PCDHA7: variants seen among roughly 807,000 people sequenced by gnomAD.
The protein encoded by PCDHA7 is protocadherin alpha 7, also known as protocadherin alpha-7.
Under a neutral mutation model 57.2 loss-of-function variants are expected in PCDHA7, and 37 were observed. That is an observed-to-expected ratio of 0.65 (90% CI 0.50 to 0.85). The LOEUF (loss-of-function observed/expected upper bound fraction) is 0.85, where lower values mean the gene tolerates loss of function less well. Among genes scored for constraint, PCDHA7 ranks in the 40% least tolerant of loss-of-function variants. The pLI, the probability that PCDHA7 is intolerant of heterozygous loss-of-function variation, is 0.00. For synonymous variants in PCDHA7, 553 were observed against 558.8 expected, an observed-to-expected ratio of 0.99 and a Z score of 0.15; for missense variants, 1,188 against 1,241.8, an observed-to-expected ratio of 0.96 and a Z score of 0.65.
At chr5:140,970,331 T>C (rs1442466340) in intron 1 of PCDHA7, among the ~76,000 whole-genome samples, 1 of 152,210 alleles carries the variant, frequency 6.6e-6, no homozygotes, top group African/African-American at 2.4e-5. Context: ...TTCCAAAGCA[T>C]GCATTCATTT....
chr5:140,839,670 T>C (rs1776356207), intron 1 of PCDHA7, among the ~76,000 whole-genome samples: 1 of 152,026 alleles, frequency 6.6e-6, no homozygotes, highest in Non-Finnish European at 1.5e-5. Flanking sequence ...CTATTTAGAG[T>C]CAACTACAGA....
chr5:141,004,101 T>C (rs2098153096), intron 3 of PCDHA7, among the ~76,000 whole-genome samples: 1 of 152,220 alleles, frequency 6.6e-6, no homozygotes, highest in Admixed American at 6.5e-5. Flanking sequence ...TCCGTTTTCA[T>C]CTTCTTCAAA....
At chr5:140,997,918 A>G (rs2097790482) in intron 3 of PCDHA7, among the ~76,000 whole-genome samples, 1 of 152,220 alleles carries the variant, frequency 6.6e-6, no homozygotes, top group South Asian at 2.1e-4. Context: ...TTACAGAATC[A>G]TAGGATATAA....
chr5:140,877,835 G>A, intron 1 of PCDHA7: 11 of 1,586,326 alleles, frequency 6.9e-6, no homozygotes, highest in Non-Finnish European at 9.4e-6. Context: ...AATCCTCCCA[G>A]TGAAGTAAGT....
At chr5:140,883,018 G>A (rs1400637236) in intron 1 of PCDHA7, 4 of 1,614,086 alleles carry the variant, frequency 2.5e-6, no homozygotes, top group Admixed American at 1.7e-5. Flanking sequence ...ATAAAGTGAC[G>A]GTGTTAGAGA....
rs1427134752 is a variant in PCDHA7 at position 140,834,645 on chromosome 5, T to C, written c.262T>C (p.Ser88Pro). The part of the protein sequence containing the change: ...NLQNGILFVN[S>P]RIDREELCGR... Reference sequence around the variant, plus strand: ...GCAGAATGGCATTTTGTTTGTGAATTCTCGGATCGACCGCGAGGAGCTGTG... The same window carrying C: ...GCAGAATGGCATTTTGTTTGTGAATCCTCGGATCGACCGCGAGGAGCTGTG... The change falls in exon 1 of 4, where the codon TCT becomes CCT. Residue 88 changes from serine (S) to proline (P), a missense_variant. Physicochemically the swap from Ser to Pro is moderately conservative, Grantham distance 74. This residue lies in a region of PCDHA7 where 194 missense variants were observed against 185.8 expected (regional missense o/e 1.04). Transcript: ENST00000525929. The C allele has an allele frequency of 2.5e-6, 4 of 1,614,086 alleles. No individual in the cohort carries two copies. The East Asian group carries it at 8.9e-5, about 36-fold the overall frequency.
rs1554164208 is a variant in PCDHA7 at position 140,870,406 on chromosome 5, T to G, written c.2355+33668T>G. ...GCGGGATGGGGGTTCGCCTTCTCTG[T>G]GGGCCACGGCCAGGGTATCCGTGGA... On this transcript the variant is annotated intron_variant, in intron 1 of 3. Transcript: ENST00000525929. 1.2e-5 allele frequency: 20 copies of G among 1,614,192 alleles called. No individual in the cohort carries two copies. The highest frequency in any genetic ancestry group is 1.5e-5 in the Non-Finnish European group (18 of 1,180,034).
In PCDHA7 at chr5:140,883,707, A is replaced by G. The variant is rs565073045; in HGVS notation, c.2355+46969A>G. 6 of 1,613,636 alleles carry G rather than the reference A, an allele frequency of 3.7e-6. No individual in the cohort carries two copies. Among genetic ancestry groups the G allele is most frequent in the East Asian group, 4.5e-5 (2 of 44,860 alleles). On this transcript the variant is annotated intron_variant, in intron 1 of 3. Transcript: ENST00000525929. ...TGCCACATCTTCACGGTGTCTGCTC[A>G]GGACGCGGACGCACAGGAGAACGCG...
chr5:140,862,984 G>A (rs1420012474), intron 1 of PCDHA7: 1 of 546,626 alleles, frequency 1.8e-6, no homozygotes, highest in Non-Finnish European at 3.6e-6. Context: ...TGGTGGCGAA[G>A]GTGCGCACGG....
Position 140,993,460 on chromosome 5 carries a change from T to TCC in PCDHA7, c.2503+10898_2503+10899insCC, listed in dbSNP as rs1554253699. ...TTCATTCCTGTTCTCCTTCTTTCTT[T>TCC]CTCACACACACACACACACACACAC... On this transcript the variant is annotated intron_variant, in intron 3 of 3. Coordinates refer to ENST00000525929, the MANE Select transcript of PCDHA7 (RefSeq NM_018910.3). Among the ~76,000 whole-genome samples, 535 of 104,558 alleles carry TCC rather than the reference T, an allele frequency of 5.1e-3. 5 individuals carry two copies. Among genetic ancestry groups the TCC allele is most frequent in the African/African-American group, 0.02 (517 of 25,554 alleles). The allele number at this position is 104,558 out of a possible 152,430, so 68.6% of individuals were successfully genotyped here. A position where few individuals can be genotyped will look rare whatever the true frequency, so the allele number is the denominator to read the frequency against.
At chr5:140,855,357 A>C (rs2043441484) in intron 1 of PCDHA7, among the ~76,000 whole-genome samples, 1 of 150,032 alleles carries the variant, frequency 6.7e-6, no homozygotes, top group South Asian at 2.1e-4. Context: ...TCATGTGGCT[A>C]GTGAGTAGGA....
At chr5:140,856,114 C>A (rs1375690984) in intron 1 of PCDHA7, 3 of 1,597,988 alleles carry the variant, frequency 1.9e-6, no homozygotes, top group Non-Finnish European at 2.6e-6. Flanking sequence ...TCCTCGCAGC[C>A]TGGGAGGTGG....
chr5:140,956,885 T>A (rs1156888418), intron 1 of PCDHA7, among the ~76,000 whole-genome samples: 1 of 152,194 alleles, frequency 6.6e-6, no homozygotes, highest in Non-Finnish European at 1.5e-5. Flanking sequence ...TAGATATCAA[T>A]GAATGAATAT....
chr5:140,923,951 G>A (rs763582377), intron 1 of PCDHA7, among the ~76,000 whole-genome samples: 4 of 151,984 alleles, frequency 2.6e-5, no homozygotes, highest in Non-Finnish European at 2.9e-5. Context: ...TTTTCCTCAC[G>A]CCCTAATCTA....
chr5:140,930,321 T>C (rs1166503889), intron 1 of PCDHA7: 7 of 152,186 alleles, frequency 4.6e-5, no homozygotes, highest in Non-Finnish European at 1.0e-4. Flanking sequence ...TTGAGAGTAA[T>C]GTATCTAATG....
At chr5:140,911,464 A>T (rs1300349898) in intron 1 of PCDHA7, among the ~76,000 whole-genome samples, 2 of 152,144 alleles carry the variant, frequency 1.3e-5, no homozygotes, top group African/African-American at 2.4e-5. Flanking sequence ...TCTACAGGAG[A>T]TAAGACTCTC....
intron 1 of PCDHA7, among the ~76,000 whole-genome samples, chr5:140,885,620 G>A (rs1480920354): frequency 1.3e-5 from 2 of 152,120 alleles, no homozygotes; most frequent in Non-Finnish European, 2.9e-5. Context: ...TATAAAATAT[G>A]TCACTGGATT....
chr5:140,860,192 C>CATATATATATATATATATATATAT (rs143984774), intron 1 of PCDHA7: 72 of 146,840 alleles, frequency 4.9e-4, no homozygotes, highest in Middle Eastern at 3.6e-3. Context: ...GCTCTCCTTA[C>CATATATATATATATATATATATAT]ATATATATCT....
chr5:140,891,345 G>T (rs2063056241), intron 1 of PCDHA7, among the ~76,000 whole-genome samples: 1 of 151,958 alleles, frequency 6.6e-6, no homozygotes, highest in Admixed American at 6.6e-5. Context: ...AGATTTTGGT[G>T]CATCCATCAC....
Sources: allele counts gnomAD v4.1 joint callset (sites outside exome capture counted in the v4.1 genomes callset), GRCh38; gene constraint gnomAD v4.1.1; regional missense constraint gnomAD v4.1.1; transcripts MANE v1.5; gene names NCBI Gene and HGNC (gene_info 2026-07-23, HGNC 2026-07-21).